The following DYM variants were observed in gnomAD, a reference collection of about 807,000 sequenced individuals.
DYM encodes dyggve-Melchior-Clausen syndrome protein.
In DYM, 78 loss-of-function variants were observed where a neutral mutation model predicts 93.1. The ratio of observed to expected loss-of-function variants is 0.84; its 90% CI spans 0.70 to 1.01. The LOEUF (loss-of-function observed/expected upper bound fraction) is 1.01, where lower values mean the gene tolerates loss of function less well. Among genes scored for constraint, DYM ranks in the 50% least tolerant of loss-of-function variants. The probability of loss-of-function intolerance (pLI) is 0.00; values close to 1 mark genes in which losing one functional copy is unlikely to be tolerated. For missense variants in DYM, 789 were observed against 845.0 expected (o/e 0.93, Z 0.82); for synonymous variants, 321 against 319.7 (o/e 1.00, Z -0.04).
At position 49,286,414 on chromosome 18, in the gene DYM, A is replaced by G; in HGVS notation, c.946+20T>C. On this transcript the variant is annotated intron_variant, in intron 9 of 17. Transcript: ENST00000675505. ...TACTCTCCCCATTACAAAGAATATTAGAGAAAAAATACCACAAACCTTGTG... is the reference window on the plus strand; with the variant it reads ...TACTCTCCCCATTACAAAGAATATTGGAGAAAAAATACCACAAACCTTGTG... The G allele has an allele frequency of 6.2e-7, 1 of 1,613,376 alleles. No homozygotes were observed. Among genetic ancestry groups the G allele is most frequent in the Non-Finnish European group, 8.5e-7 (1 of 1,179,278 alleles).
intron 17 of DYM, among the ~76,000 whole-genome samples, chr18:49,056,723 AT>A (rs2075520242): frequency 3.8e-5 from 5 of 130,520 alleles, no homozygotes; most frequent in Admixed American, 7.6e-5. Context: ...TTTTTTTTGT[AT>A]TTTTAGTAGA....
intron 14 of DYM, among the ~76,000 whole-genome samples, chr18:49,169,135 AAC>A (rs753028091): frequency 2.4e-4 from 36 of 152,300 alleles, no homozygotes; most frequent in Non-Finnish European, 3.7e-4. Context: ...AAGCAAAAGC[AAC>A]ACAGTTTCTG....
chr18:49,311,472 C>T (rs3965003), intron 8 of DYM, among the ~76,000 whole-genome samples: 11,980 of 152,116 alleles, frequency 0.079, 1,107 homozygotes, highest in East Asian at 0.33. Context: ...GACTTGGAAC[C>T]AACCTAAATG....
chr18:49,054,962 A>C (rs2075348883), intron 17 of DYM, among the ~76,000 whole-genome samples: 1 of 152,234 alleles, frequency 6.6e-6, no homozygotes, highest in East Asian at 1.9e-4. Flanking sequence ...CTTGAGTCTG[A>C]ATCTTGAGCA....
At position 49,344,850 on chromosome 18, in the gene DYM, T is replaced by C. The variant is rs866992771; in HGVS notation, c.495-10997A>G. 3.9e-5 allele frequency among the ~76,000 whole-genome samples: 6 copies of C among 152,338 alleles called. No individual in the cohort carries two copies. In the South Asian group the frequency reaches 6.2e-4, roughly 16 times the overall value. On this transcript the variant is annotated intron_variant, in intron 6 of 17. Coordinates refer to ENST00000675505, the MANE Select transcript of DYM (RefSeq NM_001353214.3). ...TCTTTCCAATCATTCATTGGGTATC[T>C]ACTATAAGACAAACTTCACAGAGCT...
chr18:49,250,701 G>T (rs545111868), intron 13 of DYM, among the ~76,000 whole-genome samples: 140 of 152,330 alleles, frequency 9.2e-4, no homozygotes, highest in Non-Finnish European at 1.6e-3. Context: ...GAATAAAGGG[G>T]TGGGAAGCTG....
intron 17 of DYM, among the ~76,000 whole-genome samples, chr18:49,059,895 A>G (rs1160269367): frequency 3.9e-5 from 6 of 152,186 alleles, no homozygotes; most frequent in Admixed American, 2.0e-4. Context: ...TGGACATTAT[A>G]TATTTTCACT....
intron 17 of DYM, among the ~76,000 whole-genome samples, chr18:49,088,930 TA>T (rs1256526271): frequency 6.6e-6 from 1 of 152,164 alleles, no homozygotes; most frequent in Non-Finnish European, 1.5e-5. Context: ...TAGTTGGGAC[TA>T]CAGGTGTGCA....
chr18:49,345,585 A>G (rs183970812), intron 6 of DYM, among the ~76,000 whole-genome samples: 24 of 152,266 alleles, frequency 1.6e-4, no homozygotes, highest in Non-Finnish European at 2.9e-4. Context: ...TACACCTAGT[A>G]CCTTTAAGGA....
chr18:49,356,643 G>A (rs1489613805), intron 6 of DYM, among the ~76,000 whole-genome samples: 3 of 152,080 alleles, frequency 2.0e-5, no homozygotes, highest in Non-Finnish European at 4.4e-5. Flanking sequence ...GGTCTCTCCT[G>A]TACCTTCACT....
At position 49,148,781 on chromosome 18, in the gene DYM, T is replaced by G. The variant is rs527882263; in HGVS notation, c.1728+14904A>C. On this transcript the variant is annotated intron_variant, in intron 15 of 17. Coordinates refer to ENST00000675505, the MANE Select transcript of DYM (RefSeq NM_001353214.3). ...CTCCTTTCCAGCCCCATTACCTTGT[T>G]AGGGGTCTGTGAGGCTCCTGCCTCA... Among the ~76,000 whole-genome samples, 10 of 152,250 alleles carry G rather than the reference T, an allele frequency of 6.6e-5. No homozygotes were observed. The South Asian group carries it at 1.5e-3, about 22-fold the overall frequency.
At chr18:49,314,119 T>G (rs933513070) in intron 8 of DYM, among the ~76,000 whole-genome samples, 2 of 152,210 alleles carry the variant, frequency 1.3e-5, no homozygotes, top group Non-Finnish European at 2.9e-5. Context: ...TTTACAAGTT[T>G]ATGATAATCA....
intron 13 of DYM, among the ~76,000 whole-genome samples, chr18:49,236,991 C>T (rs1427155088): frequency 2.0e-5 from 3 of 152,208 alleles, no homozygotes; most frequent in African/African-American, 7.2e-5. Context: ...TAGCCCTACC[C>T]TCTTGAAGAG....
chr18:49,058,929 T>C (rs970869761), intron 17 of DYM, among the ~76,000 whole-genome samples: 1 of 152,182 alleles, frequency 6.6e-6, no homozygotes, highest in Admixed American at 6.5e-5. Flanking sequence ...AGAGAACTAA[T>C]GTATGCTCAG....
intron 3 of DYM, among the ~76,000 whole-genome samples, chr18:49,389,314 CTGTG>C (rs557570171): frequency 5.4e-5 from 8 of 148,082 alleles, no homozygotes; most frequent in African/African-American, 1.7e-4. Flanking sequence ...GTGTGTGTGT[CTGTG>C]TGTGTGTGTG....
chr18:49,380,569 C>T (rs2067950793), intron 3 of DYM, among the ~76,000 whole-genome samples: 1 of 152,192 alleles, frequency 6.6e-6, no homozygotes, highest in Admixed American at 6.6e-5. Flanking sequence ...CTCAAGGAAA[C>T]ATCCTTATCA....
chr18:49,098,156 T>A (rs938368960), intron 16 of DYM, among the ~76,000 whole-genome samples: 1 of 152,164 alleles, frequency 6.6e-6, no homozygotes, highest in Non-Finnish European at 1.5e-5. Context: ...AAAACATCAT[T>A]TTTCAGCAAA....
In DYM at chr18:49,044,067, C is replaced by A. The variant is rs1403288407; in HGVS notation, c.2163G>T (p.Met721Ile). ...GAGCATCCTGCCCTCAGTCGGAATC[C>A]ATGGTGAACAGCTGGATGTCCTGTG... Reference protein sequence around the residue: ...WNPQDIQLFTMDSD With the variant: ...WNPQDIQLFTIDSD Residue 721 changes from methionine to isoleucine, a missense_variant, in exon 18 of 18, where the codon ATG becomes ATT. Met to Ile is a conservative substitution (Grantham distance 10). Coordinates refer to ENST00000675505, the MANE Select transcript of DYM (RefSeq NM_001353214.3). The A allele has an allele frequency of 6.2e-7, 1 of 1,613,588 alleles. No homozygotes were observed. Among genetic ancestry groups the A allele is most frequent in the South Asian group, 1.1e-5 (1 of 91,056 alleles).
chr18:49,051,920 A>G (rs1189170492), intron 17 of DYM, among the ~76,000 whole-genome samples: 1 of 152,234 alleles, frequency 6.6e-6, no homozygotes, highest in Non-Finnish European at 1.5e-5. Context: ...GAAAACCTGA[A>G]CATGCAGACA....
Sources: gnomAD v4.1 joint callset for allele counts (sites outside exome capture counted in the v4.1 genomes callset) on GRCh38, gnomAD v4.1.1 for gene constraint, MANE v1.5 for transcripts, NCBI Gene and HGNC (gene_info 2026-07-23, HGNC 2026-07-21) for gene names.